RAPGEF4: variants seen among roughly 807,000 people sequenced by gnomAD.
The protein encoded by RAPGEF4 is Rap guanine nucleotide exchange factor 4.
In RAPGEF4, 66 loss-of-function variants were observed where a neutral mutation model predicts 147.9. That is an observed-to-expected ratio of 0.45 (90% CI 0.37 to 0.55). RAPGEF4 has a LOEUF of 0.55. Among genes scored for constraint, RAPGEF4 ranks in the 20% least tolerant of loss-of-function variants. The pLI, the probability that RAPGEF4 is intolerant of heterozygous loss-of-function variation, is 0.00. For missense variants in RAPGEF4, 1,071 were observed against 1,257.3 expected, an observed-to-expected ratio of 0.85 and a Z score of 2.24; for synonymous variants, 419 against 442.7, an observed-to-expected ratio of 0.95 and a Z score of 0.67.
intron 1 of RAPGEF4, chr2:172,744,152 T>C (rs944017477): frequency 8.7e-6 from 2 of 229,730 alleles, no homozygotes; most frequent in Admixed American, 5.7e-5. Flanking sequence ...CTATGTCCTT[T>C]TCCACATCTA....
intron 23 of RAPGEF4, 53 bp downstream of exon 23, chr2:173,020,768 G>GTATTTTTAGTA: frequency 6.9e-7 from 1 of 1,453,302 alleles, no homozygotes; most frequent in Admixed American, 2.0e-5. Context: ...AAACTTGTCT[G>GTATTTTTAGTA]GAGCCTAATT....
At chr2:173,038,345 A>G (rs1358807196) in intron 29 of RAPGEF4, among the ~76,000 whole-genome samples, 1 of 152,272 alleles carries the variant, frequency 6.6e-6, no homozygotes, top group East Asian at 1.9e-4. Flanking sequence ...TTACTTATGC[A>G]GAAATGCAAA....
chr2:172,835,317 A>G (rs1415813372), intron 4 of RAPGEF4, among the ~76,000 whole-genome samples: 1 of 152,194 alleles, frequency 6.6e-6, no homozygotes, highest in Admixed American at 6.5e-5. Flanking sequence ...ATAAGTGGCT[A>G]TTGGATTACT....
chr2:172,761,625 G>T (rs1310148471), intron 1 of RAPGEF4, among the ~76,000 whole-genome samples: 1 of 152,126 alleles, frequency 6.6e-6, no homozygotes, highest in Non-Finnish European at 1.5e-5. Context: ...TCCTGAAACA[G>T]AAAGGAAATG....
At chr2:173,019,247 G>A (rs145172785) in intron 22 of RAPGEF4, among the ~76,000 whole-genome samples, 6 of 152,322 alleles carry the variant, frequency 3.9e-5, no homozygotes, top group Non-Finnish European at 7.4e-5. Flanking sequence ...GAGAGGCTAG[G>A]AGCCTGGCTC....
chr2:172,869,934 A>G (rs1458903761), intron 4 of RAPGEF4, among the ~76,000 whole-genome samples: 1 of 152,188 alleles, frequency 6.6e-6, no homozygotes, highest in East Asian at 1.9e-4. Context: ...ACTGGAAATC[A>G]TAGGTGCTTA....
At chr2:172,788,398 A>G (rs1685460109) in intron 1 of RAPGEF4, among the ~76,000 whole-genome samples, 1 of 152,216 alleles carries the variant, frequency 6.6e-6, no homozygotes, top group African/African-American at 2.4e-5. Context: ...AAGGGAGTGA[A>G]ATCTAAGCTG....
At chr2:172,767,622 C>T (rs1271694235) in intron 1 of RAPGEF4, among the ~76,000 whole-genome samples, 1 of 152,172 alleles carries the variant, frequency 6.6e-6, no homozygotes. Context: ...TTTTTTCTTT[C>T]TGCTTTCTTG....
chr2:173,020,281 T>C (rs1389202151), intron 22 of RAPGEF4, among the ~76,000 whole-genome samples: 2 of 151,614 alleles, frequency 1.3e-5, no homozygotes, highest in African/African-American at 4.9e-5. Flanking sequence ...TCCAAAGTCC[T>C]GGGTGTGATT....
intron 6 of RAPGEF4, among the ~76,000 whole-genome samples, chr2:172,951,729 T>A (rs1239315561): frequency 6.6e-6 from 1 of 152,068 alleles, no homozygotes; most frequent in Non-Finnish European, 1.5e-5. Flanking sequence ...AGAGATAAGA[T>A]CAGAGGTTGC....
intron 12 of RAPGEF4, among the ~76,000 whole-genome samples, chr2:172,987,844 A>G (rs977633686): frequency 6.6e-6 from 1 of 152,184 alleles, no homozygotes; most frequent in Non-Finnish European, 1.5e-5. Context: ...CATGTTTTTA[A>G]ACGTCACATT....
intron 6 of RAPGEF4, among the ~76,000 whole-genome samples, chr2:172,925,833 AGAAG>A (rs143264329): frequency 0.023 from 3,439 of 149,000 alleles, 57 homozygotes; most frequent in South Asian, 0.045. Context: ...AAGAAAGGAA[AGAAG>A]GAAGGAAGGA....
At chr2:172,774,164 A>G (rs1278418934) in intron 1 of RAPGEF4, among the ~76,000 whole-genome samples, 1 of 152,186 alleles carries the variant, frequency 6.6e-6, no homozygotes, top group African/African-American at 2.4e-5. Flanking sequence ...TTATTGTGAA[A>G]AGCATGACAT....
intron 1 of RAPGEF4, 112 bp from the exon 2 acceptor site, chr2:172,794,913 T>A: frequency 9.3e-7 from 1 of 1,079,602 alleles, no homozygotes; most frequent in Non-Finnish European, 1.3e-6. Flanking sequence ...CAATGAAATA[T>A]TCACAAGTGG....
chr2:172,743,518 A>T (rs1029669733), intron 1 of RAPGEF4, among the ~76,000 whole-genome samples: 12 of 152,178 alleles, frequency 7.9e-5, no homozygotes, highest in Non-Finnish European at 1.2e-4. Context: ...TCTAGACCAG[A>T]TGTATTTTTG....
intron 6 of RAPGEF4, among the ~76,000 whole-genome samples, chr2:172,943,768 C>T (rs142334197): frequency 7.2e-5 from 11 of 152,288 alleles, no homozygotes; most frequent in African/African-American, 2.6e-4. Context: ...CTTGCATATG[C>T]GTTTGCTTTC....
At chr2:173,022,211 G>A (rs564055707) in intron 23 of RAPGEF4, among the ~76,000 whole-genome samples, 57 of 152,198 alleles carry the variant, frequency 3.7e-4, no homozygotes, top group Non-Finnish European at 5.7e-4. Context: ...ATGACATGGC[G>A]CAGACACAGG....
At chr2:172,821,046 G>A (rs936932735) in intron 4 of RAPGEF4, among the ~76,000 whole-genome samples, 3 of 152,188 alleles carry the variant, frequency 2.0e-5, no homozygotes, top group African/African-American at 7.2e-5. Context: ...AGAGGCATCT[G>A]ATCTTGCTCT....
At chr2:172,808,944 A>G (rs1687758521) in intron 3 of RAPGEF4, among the ~76,000 whole-genome samples, 1 of 152,164 alleles carries the variant, frequency 6.6e-6, no homozygotes, top group African/African-American at 2.4e-5. Context: ...CTTCATCGAC[A>G]TCTTTATTAA....
Sources: allele counts gnomAD v4.1 joint callset (sites outside exome capture counted in the v4.1 genomes callset), GRCh38; gene constraint gnomAD v4.1.1; transcripts MANE v1.5; gene names NCBI Gene and HGNC (gene_info 2026-07-23, HGNC 2026-07-21).